Variants in CFAP96 observed in about 807,000 individuals in gnomAD.
CFAP96 encodes cilia and flagella associated protein 96.
chr4:185,441,100 G>GC, the CFAP96 span, among the ~76,000 whole-genome samples: 1 of 151,978 alleles, frequency 6.6e-6, no homozygotes, highest in Admixed American at 6.6e-5. Context: ...ACAGGCATGT[G>GC]CTACCATGCC....
the CFAP96 span, chr4:185,415,826 G>A: frequency 6.2e-7 from 1 of 1,613,610 alleles, no homozygotes; most frequent in Non-Finnish European, 8.5e-7. Flanking sequence ...CTGCCAGGGA[G>A]GTTGACATTT....
At chr4:185,411,904 C>T in the CFAP96 span, among the ~76,000 whole-genome samples, 1 of 152,124 alleles carries the variant, frequency 6.6e-6, no homozygotes, top group Non-Finnish European at 1.5e-5. Flanking sequence ...AAACTCAGAA[C>T]TATGCAATAC....
At chr4:185,443,352 T>A in the CFAP96 span, among the ~76,000 whole-genome samples, 1 of 96,664 alleles carries the variant, frequency 1.0e-5, no homozygotes, top group Non-Finnish European at 2.1e-5. Flanking sequence ...ATTTTTTTTT[T>A]TTTTTTTTTG....
the CFAP96 span, among the ~76,000 whole-genome samples, chr4:185,437,510 A>G: frequency 2.6e-5 from 4 of 152,196 alleles, no homozygotes; most frequent in Non-Finnish European, 4.4e-5. Context: ...CAGTTTTGCT[A>G]TGGTAAAAAA....
the CFAP96 span, among the ~76,000 whole-genome samples, chr4:185,434,563 C>T: frequency 6.6e-6 from 1 of 152,062 alleles, no homozygotes; most frequent in African/African-American, 2.4e-5. Context: ...GAAATAATAA[C>T]AGTTTTATAA....
the CFAP96 span, among the ~76,000 whole-genome samples, chr4:185,422,277 T>C: frequency 6.6e-6 from 1 of 152,240 alleles, no homozygotes; most frequent in Non-Finnish European, 1.5e-5. Flanking sequence ...AAAGGGAACA[T>C]CTTTTTCTAA....
At chr4:185,439,773 C>A in the CFAP96 span, among the ~76,000 whole-genome samples, 2 of 141,904 alleles carry the variant, frequency 1.4e-5, no homozygotes, top group South Asian at 2.3e-4. Context: ...ATATATGTAT[C>A]TATATCTCAT....
At chr4:185,420,620 C>T in the CFAP96 span, among the ~76,000 whole-genome samples, 1 of 152,084 alleles carries the variant, frequency 6.6e-6, no homozygotes, top group Non-Finnish European at 1.5e-5. Flanking sequence ...TTTCAGAAAG[C>T]AGAATTTAAA....
the CFAP96 span, among the ~76,000 whole-genome samples, chr4:185,414,196 G>A: frequency 2.5e-4 from 38 of 152,180 alleles, no homozygotes; most frequent in African/African-American, 8.9e-4. Context: ...GCTAAAGACT[G>A]GTTTTGAAAT....
At chr4:185,434,084 C>T in the CFAP96 span, among the ~76,000 whole-genome samples, 4 of 150,742 alleles carry the variant, frequency 2.7e-5, no homozygotes, top group Non-Finnish European at 5.9e-5. Flanking sequence ...GCCAGCGTGG[C>T]GATGCATGCC....
At chr4:185,447,872 A>G in the CFAP96 span, among the ~76,000 whole-genome samples, 1 of 152,244 alleles carries the variant, frequency 6.6e-6, no homozygotes, top group African/African-American at 2.4e-5. Flanking sequence ...TCACTAATGT[A>G]TGAGATGCTA....
the CFAP96 span, chr4:185,445,638 A>G: frequency 5.1e-6 from 4 of 776,992 alleles, no homozygotes; most frequent in East Asian, 8.0e-5. Context: ...TAAAACTTCA[A>G]TTTTATCCAG....
the CFAP96 span, among the ~76,000 whole-genome samples, chr4:185,422,751 G>A: frequency 6.6e-6 from 1 of 152,134 alleles, no homozygotes; most frequent in Non-Finnish European, 1.5e-5. Flanking sequence ...TAAATCAGGG[G>A]TTCTCAACCT....
the CFAP96 span, among the ~76,000 whole-genome samples, chr4:185,412,663 A>C: frequency 6.6e-6 from 1 of 152,136 alleles, no homozygotes; most frequent in African/African-American, 2.4e-5. Flanking sequence ...GAGGATACAG[A>C]GGGTATGAGG....
chr4:185,444,973 A>G, the CFAP96 span: 12 of 1,548,994 alleles, frequency 7.7e-6, no homozygotes, highest in East Asian at 2.7e-4. Flanking sequence ...GCCTGGTGGA[A>G]TGAAGGCAGG....
chr4:185,424,664 G>A, the CFAP96 span, among the ~76,000 whole-genome samples: 1 of 151,950 alleles, frequency 6.6e-6, no homozygotes, highest in African/African-American at 2.4e-5. Context: ...GTTAAATAAA[G>A]AATACTACCA....
At chr4:185,415,448 T>A in the CFAP96 span, 3 of 1,046,350 alleles carry the variant, frequency 2.9e-6, no homozygotes, top group Non-Finnish European at 4.0e-6. Flanking sequence ...AAAACTTGAT[T>A]GGACCAGGTT....
the CFAP96 span, among the ~76,000 whole-genome samples, chr4:185,421,482 C>A: frequency 1.3e-5 from 2 of 152,154 alleles, no homozygotes; most frequent in African/African-American, 4.8e-5. Flanking sequence ...CCTATCAGTT[C>A]ACAAAAGAGC....
chr4:185,439,186 G>A, the CFAP96 span, among the ~76,000 whole-genome samples: 3 of 152,162 alleles, frequency 2.0e-5, no homozygotes, highest in Non-Finnish European at 4.4e-5. Context: ...TGAGGGAAGG[G>A]CTTGGTGATT....
Sources: allele counts gnomAD v4.1 joint callset (sites outside exome capture counted in the v4.1 genomes callset), GRCh38; gene constraint gnomAD v4.1.1; transcripts MANE v1.5; gene names NCBI Gene and HGNC (gene_info 2026-07-23, HGNC 2026-07-21).